The following DPRX variants were observed in gnomAD, a reference collection of about 807,000 sequenced individuals.
The protein encoded by DPRX is divergent-paired related homeobox.
In DPRX, 11 loss-of-function variants were observed where a neutral mutation model predicts 8.4. The ratio of observed to expected loss-of-function variants is 1.31; its 90% CI spans 0.82 to 2.17. DPRX has a LOEUF of 2.17. Ranked by LOEUF, DPRX falls within the 30% of genes most tolerant of loss-of-function variation. The pLI, the probability that DPRX is intolerant of heterozygous loss-of-function variation, is 0.00. For missense variants in DPRX, 211 were observed against 236.7 expected, an observed-to-expected ratio of 0.89 and a Z score of 0.71; for synonymous variants, 72 against 87.0, an observed-to-expected ratio of 0.83 and a Z score of 0.96.
chr19:53,608,987 AAGAAAG>A, the DPRX span, among the ~76,000 whole-genome samples: 20,304 of 146,304 alleles, frequency 0.14, 1,463 homozygotes, highest in East Asian at 0.25. Flanking sequence ...AAAGAAAAGA[AAGAAAG>A]AGAAAGAAAG....
chr19:53,602,267 GGTGTGTGTGTGTGTGT>G, the DPRX span: 1,628 of 276,916 alleles, frequency 5.9e-3, 1 homozygote, highest in South Asian at 0.018. Flanking sequence ...TATGGGTATG[GGTGTGTGTGTGTGTGT>G]GTGTGTGTGT....
At chr19:53,618,162 AAG>A in the DPRX span, among the ~76,000 whole-genome samples, 63 of 151,860 alleles carry the variant, frequency 4.1e-4, no homozygotes, top group African/African-American at 1.3e-3. Flanking sequence ...AAAAGAAAGA[AAG>A]AAAGAAAAGA....
intron 1 of DPRX, among the ~76,000 whole-genome samples, chr19:53,632,745 C>A (rs1011524638): frequency 1.3e-5 from 2 of 152,198 alleles, no homozygotes; most frequent in East Asian, 1.9e-4. Context: ...TGCCCGGCCG[C>A]GGCTGTCATC....
At chr19:53,630,797 AT>A (rs2091089668), upstream of DPRX, among the ~76,000 whole-genome samples, 2 of 152,108 alleles carry the variant, frequency 1.3e-5, no homozygotes, top group African/African-American at 4.8e-5. Context: ...TGTCGTCAAG[AT>A]AAAAGGTATA....
At chr19:53,617,933 T>A in the DPRX span, among the ~76,000 whole-genome samples, 872 of 151,342 alleles carry the variant, frequency 5.8e-3, 2 homozygotes, top group Non-Finnish European at 0.01. Context: ...AGGTCAGGAG[T>A]TCCAGACCAG....
At chr19:53,632,498 C>T (rs1041767600) in intron 1 of DPRX, among the ~76,000 whole-genome samples, 11 of 151,250 alleles carry the variant, frequency 7.3e-5, no homozygotes, top group Non-Finnish European at 1.5e-4. Context: ...TTAGTAGAGC[C>T]GGGGGTTTCA....
At chr19:53,636,568 C>A (rs1184344339) in intron 2 of DPRX, 28 bp from the exon 3 acceptor site, 1 of 1,481,134 alleles carries the variant, frequency 6.8e-7, no homozygotes, top group African/African-American at 1.4e-5. Context: ...TGAATTCCAC[C>A]CCATTCTCTT....
chr19:53,609,058 G>A, the DPRX span, among the ~76,000 whole-genome samples: 1 of 151,368 alleles, frequency 6.6e-6, no homozygotes, highest in African/African-American at 2.4e-5. Flanking sequence ...AACAAAAAGA[G>A]CTCAAATAGC....
chr19:53,625,764 G>T, the DPRX span, among the ~76,000 whole-genome samples: 1 of 151,536 alleles, frequency 6.6e-6, no homozygotes, highest in Non-Finnish European at 1.5e-5. Context: ...CAGCCTCCCA[G>T]GTAGCTGGGG....
At chr19:53,636,491 TA>T in intron 2 of DPRX, 104 bp from the exon 3 acceptor site, 1 of 961,048 alleles carries the variant, frequency 1.0e-6, no homozygotes, top group Non-Finnish European at 1.4e-6. Context: ...TATAAATAAA[TA>T]AAATACGTTT....
chr19:53,612,161 A>C, the DPRX span, among the ~76,000 whole-genome samples: 1 of 151,748 alleles, frequency 6.6e-6, no homozygotes, highest in Non-Finnish European at 1.5e-5. Flanking sequence ...AGGCAGGAGA[A>C]TCGCTTGAGC....
At chr19:53,629,188 C>T (rs2091081989), upstream of DPRX, among the ~76,000 whole-genome samples, 1 of 151,450 alleles carries the variant, frequency 6.6e-6, no homozygotes, top group South Asian at 2.1e-4. Flanking sequence ...TTAGTGCACA[C>T]CTGTAATCCC....
the DPRX span, among the ~76,000 whole-genome samples, chr19:53,621,125 T>C: frequency 6.6e-6 from 1 of 152,114 alleles, no homozygotes; most frequent in South Asian, 2.1e-4. Flanking sequence ...CTCATTTCCA[T>C]ATTTTTTATT....
chr19:53,629,131 T>A (rs941374952), upstream of DPRX, among the ~76,000 whole-genome samples: 4 of 150,748 alleles, frequency 2.7e-5, no homozygotes, highest in African/African-American at 9.7e-5. Context: ...CTGGCCAACA[T>A]GGTGAAACCA....
At chr19:53,629,428 T>C (rs73590934), upstream of DPRX, among the ~76,000 whole-genome samples, 197 of 151,666 alleles carry the variant, frequency 1.3e-3, no homozygotes, top group African/African-American at 4.7e-3. Context: ...TTACATATTA[T>C]ATAATGTAAT....
chr19:53,628,172 C>T (rs144860406), upstream of DPRX, among the ~76,000 whole-genome samples: 2 of 152,206 alleles, frequency 1.3e-5, no homozygotes, highest in Admixed American at 6.6e-5. Context: ...GGTGCAGTGG[C>T]CCACGCCTAT....
chr19:53,608,735 G>T, the DPRX span, among the ~76,000 whole-genome samples: 2 of 151,846 alleles, frequency 1.3e-5, no homozygotes, highest in African/African-American at 4.8e-5. Flanking sequence ...GGCGGATCAC[G>T]AGGTAAGGAG....
chr19:53,627,149 T>C (rs1341557705), upstream of DPRX, among the ~76,000 whole-genome samples: 1 of 152,142 alleles, frequency 6.6e-6, no homozygotes, highest in African/African-American at 2.4e-5. Flanking sequence ...CCCGCAGAGA[T>C]TCAAGTGGAC....
upstream of DPRX, chr19:53,632,036 T>C: frequency 6.2e-7 from 1 of 1,608,708 alleles, no homozygotes; most frequent in African/African-American, 1.3e-5. Flanking sequence ...AGGAAGCTAC[T>C]TAAATCCGGA....
Sources: allele counts gnomAD v4.1 joint callset (sites outside exome capture counted in the v4.1 genomes callset), GRCh38; gene constraint gnomAD v4.1.1; transcripts MANE v1.5; gene names NCBI Gene and HGNC (gene_info 2026-07-23, HGNC 2026-07-21).